SUGCT: variants seen among roughly 807,000 people sequenced by gnomAD.
The protein encoded by SUGCT is succinyl-CoA:glutarate-CoA transferase, also known as succinyl-CoA:glutarate CoA-transferase.
SUGCT carries 41 observed loss-of-function variants against 55.0 expected under a neutral mutation model. That is an observed-to-expected ratio of 0.74 (90% CI 0.58 to 0.97). The LOEUF is 0.97. Ranked by LOEUF, SUGCT falls within the 50% of genes least tolerant of loss-of-function variation. The pLI is 0.00. For missense variants in SUGCT, 568 were observed against 547.8 expected, an observed-to-expected ratio of 1.04 and a Z score of -0.37; for synonymous variants, 187 against 200.4, an observed-to-expected ratio of 0.93 and a Z score of 0.56.
At chr7:40,172,878 T>C (rs540966287) in intron 1 of SUGCT, among the ~76,000 whole-genome samples, 1 of 152,104 alleles carries the variant, frequency 6.6e-6, no homozygotes, top group Non-Finnish European at 1.5e-5. Context: ...ATGCTAATCG[T>C]TTTTAACTGG....
At chr7:41,008,397 C>T in the SUGCT span, among the ~76,000 whole-genome samples, 52 of 152,278 alleles carry the variant, frequency 3.4e-4, no homozygotes, top group African/African-American at 1.1e-3. Flanking sequence ...CTCTCACATC[C>T]GGGTTTCTTT....
the SUGCT span, among the ~76,000 whole-genome samples, chr7:40,916,065 C>G: frequency 2.4e-5 from 2 of 82,356 alleles, no homozygotes; most frequent in Non-Finnish European, 4.6e-5. Context: ...CTCTCTCTCT[C>G]TACATACACA....
chr7:40,842,357 A>G lies in SUGCT; in HGVS notation c.1154-17959A>G, dbSNP rs149130705. ...AAAATATGTTCTTCCAAGAAGAAAT[A>G]ATAAGCATTTTTTTAAAGTCTGACA... On this transcript the variant is annotated intron_variant, in intron 13 of 13. Coordinates refer to ENST00000335693, the MANE Select transcript of SUGCT (RefSeq NM_001193313.2). 9.2e-3 allele frequency among the ~76,000 whole-genome samples: 1,408 copies of G among 152,298 alleles called. 6 individuals carry two copies. The highest frequency in any genetic ancestry group is 0.015 in the Non-Finnish European group (1,053 of 67,992).
At chr7:40,967,675 C>A in the SUGCT span, among the ~76,000 whole-genome samples, 1 of 150,804 alleles carries the variant, frequency 6.6e-6, no homozygotes, top group South Asian at 2.1e-4. Flanking sequence ...GGCTGGAGTG[C>A]AGTGGTGCGA....
chr7:40,199,047 T>G (rs77685543), intron 6 of SUGCT, among the ~76,000 whole-genome samples: 114 of 146,198 alleles, frequency 7.8e-4, no homozygotes, highest in Middle Eastern at 3.5e-3. Context: ...GTGTGTGTGT[T>G]TTTTTTTTAA....
chr7:40,345,233 G>A (rs1448494892), intron 9 of SUGCT, among the ~76,000 whole-genome samples: 1 of 151,950 alleles, frequency 6.6e-6, no homozygotes, highest in African/African-American at 2.4e-5. Flanking sequence ...GAGGGTTTGA[G>A]TGTATAAGGT....
intron 9 of SUGCT, among the ~76,000 whole-genome samples, chr7:40,426,879 T>C (rs916637987): frequency 3.3e-5 from 5 of 152,158 alleles, no homozygotes; most frequent in Non-Finnish European, 7.4e-5. Flanking sequence ...AGTGTTGCAA[T>C]CATAAGTCAC....
intron 12 of SUGCT, among the ~76,000 whole-genome samples, chr7:40,622,610 C>A (rs537260591): frequency 7.0e-6 from 1 of 142,086 alleles, no homozygotes; most frequent in Admixed American, 7.2e-5. Context: ...TACTGCTATA[C>A]CCACCCACTG....
intron 6 of SUGCT, among the ~76,000 whole-genome samples, chr7:40,212,195 C>T (rs749264125): frequency 2.6e-5 from 4 of 151,642 alleles, no homozygotes; most frequent in Non-Finnish European, 5.9e-5. Flanking sequence ...AGTGATCCTT[C>T]CACCTCGGTC....
In SUGCT at chr7:40,362,229, A is replaced by G. The variant is rs567525977; in HGVS notation, c.816+45374A>G. Among the ~76,000 whole-genome samples, 5 of 151,670 alleles carry G rather than the reference A, an allele frequency of 3.3e-5. No individual in the cohort carries two copies. In the East Asian group the frequency reaches 9.8e-4, roughly 30 times the overall value. The stretch of plus-strand genomic sequence containing the variant: ...AGGTCAGGAGTTCGAGACCAGCCTG[A>G]CCAACATGGCAAATCCCTGTCTCTA... On this transcript the variant is annotated intron_variant, in intron 9 of 13. Transcript: ENST00000335693.
intron 12 of SUGCT, among the ~76,000 whole-genome samples, chr7:40,558,737 T>C (rs560776010): frequency 6.5e-4 from 99 of 152,322 alleles, no homozygotes; most frequent in African/African-American, 2.2e-3. Context: ...AATTGAATTG[T>C]ATACTTTAAC....
At chr7:40,588,849 AT>A (rs1416077294) in intron 12 of SUGCT, among the ~76,000 whole-genome samples, 1 of 151,948 alleles carries the variant, frequency 6.6e-6, no homozygotes, top group Non-Finnish European at 1.5e-5. Context: ...AACAAATGTT[AT>A]TTTTTTCTTC....
the SUGCT span, among the ~76,000 whole-genome samples, chr7:40,898,439 G>T: frequency 7.1e-6 from 1 of 140,996 alleles, no homozygotes; most frequent in Non-Finnish European, 1.5e-5. Flanking sequence ...ACTCGGCAGG[G>T]CATTGGGGCT....
rs144939036 is a variant in SUGCT at position 40,614,084 on chromosome 7, C to T, written c.1089+117698C>T. 4.8e-3 allele frequency among the ~76,000 whole-genome samples: 724 copies of T among 151,456 alleles called. 2 individuals are homozygous for T. The highest frequency in any genetic ancestry group is 0.016 in the African/African-American group (681 of 41,282). On this transcript the variant is annotated intron_variant, in intron 12 of 13. Transcript: ENST00000335693. ...TTAATTCAGGGAATTACCCTGAGGTCAGGGTAGAAGATAAGCCAAAAATTA... is the reference window on the plus strand; with the variant it reads ...TTAATTCAGGGAATTACCCTGAGGTTAGGGTAGAAGATAAGCCAAAAATTA...
chr7:40,436,465 C>T (rs1788184302), intron 9 of SUGCT, among the ~76,000 whole-genome samples: 2 of 152,162 alleles, frequency 1.3e-5, no homozygotes, highest in East Asian at 1.9e-4. Context: ...ATTGGCAATA[C>T]ACTATATAAG....
the SUGCT span, among the ~76,000 whole-genome samples, chr7:40,878,674 A>T: frequency 6.6e-6 from 1 of 152,126 alleles, no homozygotes; most frequent in African/African-American, 2.4e-5. Flanking sequence ...TGGATGGGTG[A>T]ATGTGGTAAA....
chr7:40,243,624 T>C (rs571405116), intron 7 of SUGCT, among the ~76,000 whole-genome samples: 1 of 152,054 alleles, frequency 6.6e-6, no homozygotes, highest in South Asian at 2.1e-4. Flanking sequence ...TATGTCTATA[T>C]ATGTGATGTT....
intron 12 of SUGCT, among the ~76,000 whole-genome samples, chr7:40,567,845 G>T (rs1010473610): frequency 4.6e-5 from 7 of 152,162 alleles, no homozygotes; most frequent in African/African-American, 1.7e-4. Context: ...AATAGCAAAA[G>T]AAATTTCAAA....
At chr7:40,651,487 C>A (rs904578779) in intron 12 of SUGCT, among the ~76,000 whole-genome samples, 6 of 151,490 alleles carry the variant, frequency 4.0e-5, no homozygotes, top group Non-Finnish European at 2.9e-5. Flanking sequence ...GGATATTAGA[C>A]CTTTGTCAGA....
Sources: gnomAD v4.1 joint callset for allele counts (sites outside exome capture counted in the v4.1 genomes callset) on GRCh38, gnomAD v4.1.1 for gene constraint, MANE v1.5 for transcripts, NCBI Gene and HGNC (gene_info 2026-07-23, HGNC 2026-07-21) for gene names.